Variants in VPS13C observed in about 807,000 individuals in gnomAD.
VPS13C encodes the protein intermembrane lipid transfer protein VPS13C.
In VPS13C, 358 loss-of-function variants were observed where a neutral mutation model predicts 456.8. That is an observed-to-expected ratio of 0.78 (90% CI 0.72 to 0.86). The LOEUF (loss-of-function observed/expected upper bound fraction) is 0.86, where lower values mean the gene tolerates loss of function less well. Ranked by LOEUF, VPS13C falls within the 40% of genes least tolerant of loss-of-function variation. The pLI is 0.00. For synonymous variants in VPS13C, 1,578 were observed against 1,486.7 expected (o/e 1.06, Z -1.41); for missense variants, 4,818 against 4,385.4 (o/e 1.10, Z -2.79).
Position 62,060,425 on chromosome 15 carries a change from C to G in VPS13C, c.-51G>C. On this transcript the variant is annotated 5_prime_UTR_variant, in exon 1 of 85. Coordinates refer to ENST00000644861, the MANE Select transcript of VPS13C (RefSeq NM_020821.3). ...GAGGAGCCGGAACCGCCCGGCGCAG[C>G]TGAGGGCTGCGACCAGCGCTGCAAA... The G allele has an allele frequency of 1.0e-6, 1 of 964,240 alleles. No homozygotes were observed. Among genetic ancestry groups the G allele is most frequent in the Non-Finnish European group, 1.6e-6 (1 of 631,336 alleles). 59.7% of individuals were successfully genotyped at this position (964,240 alleles called of 1,614,324 possible). A position where few individuals can be genotyped will look rare whatever the true frequency, so the allele number is the denominator to read the frequency against.
chr15:61,898,005 C>A (rs2042882974), intron 66 of VPS13C, among the ~76,000 whole-genome samples: 1 of 151,982 alleles, frequency 6.6e-6, no homozygotes, highest in East Asian at 1.9e-4. Flanking sequence ...CCAAACTAAG[C>A]TTCATAAGTG....
At chr15:62,040,433 C>T (rs1462541547) in intron 3 of VPS13C, among the ~76,000 whole-genome samples, 1 of 152,038 alleles carries the variant, frequency 6.6e-6, no homozygotes, top group Non-Finnish European at 1.5e-5. Context: ...TTATTACACA[C>T]TGCATGCCTG....
intron 17 of VPS13C, 91 bp downstream of exon 17, chr15:61,991,582 T>C: frequency 7.1e-7 from 1 of 1,400,542 alleles, no homozygotes; most frequent in Non-Finnish European, 9.5e-7. Context: ...TTCAAATGTA[T>C]TTCAAAATAA....
chr15:61,973,343 C>A, intron 26 of VPS13C, 111 bp downstream of exon 26: 1 of 835,568 alleles, frequency 1.2e-6, no homozygotes. Flanking sequence ...GAACTAAAAC[C>A]AGTAAATTAC....
chr15:62,028,513 A>G, intron 5 of VPS13C, 93 bp from the exon 6 acceptor site: 1 of 1,234,066 alleles, frequency 8.1e-7, no homozygotes, highest in East Asian at 2.5e-5. Flanking sequence ...TTAATTTCAT[A>G]TAATTAGAAA....
chr15:62,037,265 TATTATATA>T lies in VPS13C; in HGVS notation c.188-2221_188-2214del, dbSNP rs1302420512. On this transcript the variant is annotated intron_variant, in intron 3 of 84. Transcript: ENST00000644861. ...ATATATAATATATTTATATATATTA[TATTATATA>T]ATATATTATATATATTATATTATAT... Among the ~76,000 whole-genome samples, 146 of 22,132 alleles carry T rather than the reference TATTATATA, an allele frequency of 6.6e-3. 23 individuals carry two copies. Among genetic ancestry groups the T allele is most frequent in the Middle Eastern group, 0.014 (1 of 72 alleles). 14.5% of individuals were successfully genotyped at this position (22,132 alleles called of 152,430 possible).
chr15:61,894,429 T>G (rs960795569), intron 66 of VPS13C, among the ~76,000 whole-genome samples: 1 of 151,518 alleles, frequency 6.6e-6, no homozygotes, highest in Non-Finnish European at 1.5e-5. Flanking sequence ...TTAATAGAAA[T>G]GGAGTGGCTG....
chr15:61,991,448 A>G (rs1030128417), intron 17 of VPS13C, among the ~76,000 whole-genome samples: 4 of 152,236 alleles, frequency 2.6e-5, no homozygotes, highest in African/African-American at 9.6e-5. Context: ...TAAATTTGAC[A>G]TAAATATTAT....
chr15:61,955,341 G>A (rs1007378964), intron 37 of VPS13C, among the ~76,000 whole-genome samples: 7 of 152,008 alleles, frequency 4.6e-5, no homozygotes, highest in African/African-American at 1.7e-4. Flanking sequence ...GCTCAGTGTC[G>A]CACAAATGGC....
intron 23 of VPS13C, 130 bp downstream of exon 23, chr15:61,978,496 T>A: frequency 8.8e-7 from 1 of 1,141,608 alleles, no homozygotes; most frequent in Non-Finnish European, 1.2e-6. Context: ...ACATGGTTTA[T>A]TTAAGCAGCC....
intron 59 of VPS13C, 141 bp from the exon 60 acceptor site, chr15:61,917,776 T>TA (rs34386874): frequency 1.7e-4 from 158 of 950,834 alleles, no homozygotes; most frequent in African/African-American, 9.0e-4. Context: ...AAACCAGGGC[T>TA]AAAAAAAAGG....
At chr15:61,979,819 C>A (rs1408923808) in intron 22 of VPS13C, among the ~76,000 whole-genome samples, 5 of 152,046 alleles carry the variant, frequency 3.3e-5, no homozygotes, top group South Asian at 2.1e-4. Flanking sequence ...AAGGGTAGAG[C>A]TTTCAATGGA....
intron 66 of VPS13C, 91 bp downstream of exon 66, chr15:61,907,173 T>A (rs1465529105): frequency 6.3e-7 from 1 of 1,585,874 alleles, no homozygotes; most frequent in East Asian, 2.2e-5. Flanking sequence ...TCACTTTTAG[T>A]TCAATTAGGA....
At chr15:62,016,325 G>C (rs566340101) in intron 9 of VPS13C, among the ~76,000 whole-genome samples, 2 of 151,992 alleles carry the variant, frequency 1.3e-5, no homozygotes, top group South Asian at 4.2e-4. Context: ...ACAACGTGCA[G>C]ATTAGTTACG....
In VPS13C at chr15:61,917,386, G is replaced by C. The variant is rs1309573736; in HGVS notation, c.8010C>G (p.Leu2670=). ...AATATGGGAGAAGATTCCGCAAAGT[G>C]AGAGAAGGATAAAGATGAATAATGT... ...VAYIIHLYPS[L]TLRNLLPYSL... is the part of the protein sequence containing the mutation. Residue 2670 remains leucine (L), a synonymous_variant, in exon 60 of 85, where the codon CTC becomes CTG. Transcript: ENST00000644861. 1 of 1,613,942 alleles carries C rather than the reference G, an allele frequency of 6.2e-7. No individual in the cohort carries two copies. Among genetic ancestry groups the C allele is most frequent in the Non-Finnish European group, 8.5e-7 (1 of 1,179,864 alleles).
Position 62,007,246 on chromosome 15 carries a change from CAGA to C in VPS13C, c.1290+59_1290+61del, listed in dbSNP as rs1596467978. 1.7e-6 allele frequency: 2 copies of C among 1,179,748 alleles called. 1 individual carries two copies. Among genetic ancestry groups the C allele is most frequent in the Non-Finnish European group, 2.2e-6 (2 of 897,600 alleles). The allele number at this position is 1,179,748 out of a possible 1,614,324, so 73.1% of individuals were successfully genotyped here. On this transcript the variant is annotated intron_variant, in intron 15 of 84. Transcript: ENST00000644861. ...ATTATTTTTTGATTCAAATTACATG[CAGA>C]AGAATATTAAAGGATGATTAGACAA...
chr15:62,057,911 T>G (rs1288386409), intron 1 of VPS13C, among the ~76,000 whole-genome samples: 3 of 152,228 alleles, frequency 2.0e-5, no homozygotes, highest in African/African-American at 7.2e-5. Flanking sequence ...AACCTCCAAT[T>G]TTAAAGATAA....
chr15:61,949,534 A>G lies in VPS13C; in HGVS notation c.4668T>C (p.Ser1556=). The G allele has an allele frequency of 6.2e-7, 1 of 1,613,550 alleles. No homozygotes were observed. The highest frequency in any genetic ancestry group is 8.5e-7 in the Non-Finnish European group (1 of 1,179,880). The part of the protein sequence containing the change: ...ALLSFMDFLS[S]AAPFSEPSSS... The stretch of plus-strand genomic sequence containing the variant: ...AGGAAGGCTCAGAGAATGGAGCAGC[A>G]GATGATAAAAAATCCATGAAGGAAA... Residue 1556 remains serine, a synonymous_variant, in exon 42 of 85, where the codon TCT becomes TCC. Coordinates refer to ENST00000644861, the MANE Select transcript of VPS13C (RefSeq NM_020821.3).
chr15:62,023,828 GC>G lies in VPS13C; in HGVS notation c.465del (p.Lys155AsnfsTer36). On this transcript the variant is annotated frameshift_variant, in exon 7 of 85. Transcript: ENST00000644861. LOFTEE classifies it high-confidence loss of function. Reference sequence around the variant, plus strand: ...AAAGGTTTCTTAAAATGTTTTTTGTGCTTTTTACGTTTACGTCCTTCACAGT... The same window carrying G: ...AAAGGTTTCTTAAAATGTTTTTTGTGTTTTTACGTTTACGTCCTTCACAGT... ...KDIKPGRKRKKHKKHFKKPFK... is the reference protein window; with the variant it reads ...KDIKPGRKRKXHKKHFKKPFK... The G allele has an allele frequency of 6.2e-7, 1 of 1,610,612 alleles. No individual in the cohort carries two copies. Among genetic ancestry groups the G allele is most frequent in the Non-Finnish European group, 8.5e-7 (1 of 1,178,194 alleles).
Sources: gnomAD v4.1 joint callset for allele counts (sites outside exome capture counted in the v4.1 genomes callset) on GRCh38, gnomAD v4.1.1 for gene constraint, MANE v1.5 for transcripts, NCBI Gene and HGNC (gene_info 2026-07-23, HGNC 2026-07-21) for gene names.